Variants in DDX54 observed in about 807,000 individuals in gnomAD.
DDX54 encodes ATP-dependent RNA helicase DDX54.
DDX54 carries 67 observed loss-of-function variants against 105.5 expected under a neutral mutation model. That is an observed-to-expected ratio of 0.64 (90% CI 0.52 to 0.78). The LOEUF (loss-of-function observed/expected upper bound fraction) is 0.78. Among genes scored for constraint, DDX54 ranks in the 30% least tolerant of loss-of-function variants. The pLI, the probability that DDX54 is intolerant of heterozygous loss-of-function variation, is 0.00. For missense variants in DDX54, 1,206 were observed against 1,230.5 expected (o/e 0.98, Z 0.30); for synonymous variants, 514 against 509.9 (o/e 1.01, Z -0.11).
intron 2 of DDX54, among the ~76,000 whole-genome samples, chr12:113,180,494 C>T (rs1041699043): frequency 2.6e-5 from 4 of 152,140 alleles, no homozygotes; most frequent in African/African-American, 4.8e-5. Context: ...CCTCCCCAAA[C>T]GCTAAGATTA....
intron 5 of DDX54, 24 bp downstream of exon 5, chr12:113,178,953 T>A (rs1490725764): frequency 1.2e-6 from 2 of 1,613,476 alleles, no homozygotes; most frequent in African/African-American, 2.7e-5. Flanking sequence ...GTGGTGACCC[T>A]GGCATGGGGT....
At chr12:113,161,785 G>GCCCCCCCCCCCC in intron 18 of DDX54, 108 bp downstream of exon 18, 3 of 117,046 alleles carry the variant, frequency 2.6e-5, no homozygotes, top group Admixed American at 1.2e-4. Flanking sequence ...GCTCAGCCCC[G>GCCCCCCCCCCCC]CCCCCTCCTC....
Position 113,161,897 on chromosome 12 carries a change from C to G in DDX54, c.2296G>C (p.Asp766His). 5 of 1,605,164 alleles carry G rather than the reference C, an allele frequency of 3.1e-6. No individual in the cohort carries two copies. Among genetic ancestry groups the G allele is most frequent in the Non-Finnish European group, 4.3e-6 (5 of 1,176,140 alleles). ...GRYISSSYKR[D>H]LYQKWKQKQK... ...CAGCCACGCCCCTCAGGATACAGGT[C>G]TCGCTTGTAGGAGCTGCTGATGTAG... Residue 766 changes from aspartate (D) to histidine (H), a missense_variant, in exon 18 of 20, where the codon GAC becomes CAC. Asp to His is a moderately conservative substitution (Grantham distance 81). This residue lies in a region of DDX54 where 961 missense variants were observed against 1,019.1 expected (regional missense o/e 0.94). Coordinates refer to ENST00000306014, the MANE Select transcript of DDX54 (RefSeq NM_024072.4).
At chr12:113,174,400 T>C (rs968210673) in intron 10 of DDX54, among the ~76,000 whole-genome samples, 1 of 152,012 alleles carries the variant, frequency 6.6e-6, no homozygotes, top group South Asian at 2.1e-4. Flanking sequence ...GGCGGGAGAA[T>C]TGTTTGAGCC....
chr12:113,162,775 ATCACTCACCCCGGGCATGGAGGGGCGGC>A lies in DDX54; in HGVS notation c.2195+129_2195+156del, dbSNP rs919854331. 1.1e-5 allele frequency: 7 copies of A among 654,520 alleles called. No individual in the cohort carries two copies. The African/African-American group carries it at 1.4e-4, about 13-fold the overall frequency. The allele number at this position is 654,520 out of a possible 1,614,324, so 40.5% of individuals were successfully genotyped here. ...TGGGCCTGGAGGGGCAGCTCACTCGATCACTCACCCCGGGCATGGAGGGGCGGCTCACTCACTCACTCACCCCGGGCAT... is the reference window on the plus strand; with the variant it reads ...TGGGCCTGGAGGGGCAGCTCACTCGATCACTCACTCACTCACCCCGGGCAT... On this transcript the variant is annotated intron_variant, in intron 17 of 19. Coordinates refer to ENST00000306014, the MANE Select transcript of DDX54 (RefSeq NM_024072.4).
chr12:113,175,645 C>T (rs894967250), intron 7 of DDX54, among the ~76,000 whole-genome samples: 2 of 152,142 alleles, frequency 1.3e-5, no homozygotes, highest in Middle Eastern at 6.8e-3. Flanking sequence ...AAAAATTAGC[C>T]GGGCGTGGTG....
At chr12:113,161,805 G>A (rs946101175) in intron 18 of DDX54, 88 bp downstream of exon 18, 4 of 96,436 alleles carry the variant, frequency 4.1e-5, no homozygotes, top group South Asian at 6.1e-5. Context: ...CCCCGCCCCC[G>A]CCCCCGCCCC....
At chr12:113,176,473 A>G (rs1414473254) in intron 7 of DDX54, among the ~76,000 whole-genome samples, 2 of 152,202 alleles carry the variant, frequency 1.3e-5, no homozygotes, top group African/African-American at 4.8e-5. Flanking sequence ...AGGCTAAGGC[A>G]GGAGAATCAC....
chr12:113,170,964 C>T (rs1409723195), intron 11 of DDX54, among the ~76,000 whole-genome samples: 1 of 152,248 alleles, frequency 6.6e-6, no homozygotes, highest in Non-Finnish European at 1.5e-5. Context: ...TAAATCACTA[C>T]ATAGCATTAT....
Position 113,165,722 on chromosome 12 carries a change from T to A in DDX54, c.1646-5A>T, listed in dbSNP as rs915475451. 1.9e-6 allele frequency: 3 copies of A among 1,612,814 alleles called. No homozygotes were observed. The highest frequency in any genetic ancestry group is 2.5e-6 in the Non-Finnish European group (3 of 1,179,350). ...CCTCCTCCTCAAAACGCGAGCCTGG[T>A]AGGAAAGCAGCAAGGTGTGAGGCTG... On this transcript the variant is annotated splice_region_variant and splice_polypyrimidine_tract_variant and intron_variant, in intron 13 of 19. Coordinates refer to ENST00000306014, the MANE Select transcript of DDX54 (RefSeq NM_024072.4).
chr12:113,157,471 A>G lies in DDX54; in HGVS notation c.*1406T>C. 1.4e-6 allele frequency: 1 copy of G among 726,292 alleles called. No individual in the cohort carries two copies. The highest frequency in any genetic ancestry group is 2.3e-6 in the Non-Finnish European group (1 of 429,400). The allele number at this position is 726,292 out of a possible 1,614,324, so 45.0% of individuals were successfully genotyped here. Reference sequence around the variant, plus strand: ...TCAGTCACCACCTCTGGGAACCACCATCATCACTGTTCTTTTAATGAGGGG... The same window carrying G: ...TCAGTCACCACCTCTGGGAACCACCGTCATCACTGTTCTTTTAATGAGGGG... On this transcript the variant is annotated 3_prime_UTR_variant, in exon 20 of 20. Coordinates refer to ENST00000306014, the MANE Select transcript of DDX54 (RefSeq NM_024072.4).
chr12:113,173,693 C>A (rs1214823626), intron 10 of DDX54, among the ~76,000 whole-genome samples: 1 of 152,172 alleles, frequency 6.6e-6, no homozygotes, highest in African/African-American at 2.4e-5. Context: ...AGAAGTCAAA[C>A]AAACCACATA....
Position 113,159,122 on chromosome 12 carries a change from G to A in DDX54, c.2414-13C>T, listed in dbSNP as rs758899734. The A allele has an allele frequency of 7.0e-6, 11 of 1,579,778 alleles. No homozygotes were observed. The highest frequency in any genetic ancestry group is 9.4e-6 in the Non-Finnish European group (11 of 1,164,520). The stretch of plus-strand genomic sequence containing the variant: ...GGCCGGGATGCACCTGCTGGGACAG[G>A]GATTCAGGGAGCTCAGCTGTTGGGA... On this transcript the variant is annotated splice_polypyrimidine_tract_variant and intron_variant, in intron 19 of 19. Transcript: ENST00000306014.
In DDX54 at chr12:113,158,753, G is replaced by T; in HGVS notation, c.*124C>A. 9.2e-7 allele frequency: 1 copy of T among 1,085,440 alleles called. No homozygotes were observed. Among genetic ancestry groups the T allele is most frequent in the East Asian group, 2.6e-5 (1 of 38,044 alleles). 67.2% of individuals were successfully genotyped at this position (1,085,440 alleles called of 1,614,324 possible). ...CCATACAGTGCTCCTTTTCACAGAT[G>T]ATGGCTCCTGCAGGGAGTGCCCCCA... On this transcript the variant is annotated 3_prime_UTR_variant, in exon 20 of 20. Coordinates refer to ENST00000306014, the MANE Select transcript of DDX54 (RefSeq NM_024072.4). The surrounding 1 kb of genome is among the most constrained non-coding windows in gnomAD (Gnocchi z 4.9).
Position 113,163,978 on chromosome 12 carries a change from A to G in DDX54, c.1938+89T>C. 13 of 1,449,438 alleles carry G rather than the reference A, an allele frequency of 9.0e-6. No individual in the cohort carries two copies. In the South Asian group the frequency reaches 1.6e-4, roughly 18 times the overall value. 89.8% of individuals were successfully genotyped at this position (1,449,438 alleles called of 1,614,324 possible). A position where few individuals can be genotyped will look rare whatever the true frequency, so the allele number is the denominator to read the frequency against. Reference sequence around the variant, plus strand: ...TGCATCCACCTCCATCCACTGCTCAAAGATCCTAGGACAGCCTCATGGGCT... The same window carrying G: ...TGCATCCACCTCCATCCACTGCTCAGAGATCCTAGGACAGCCTCATGGGCT... On this transcript the variant is annotated intron_variant, in intron 15 of 19. Coordinates refer to ENST00000306014, the MANE Select transcript of DDX54 (RefSeq NM_024072.4). The surrounding 1 kb of genome is among the most constrained non-coding windows in gnomAD (Gnocchi z 5.9).
intron 12 of DDX54, chr12:113,168,083 G>A (rs1433623262): frequency 1.0e-5 from 4 of 383,096 alleles, no homozygotes; most frequent in African/African-American, 4.4e-5. Flanking sequence ...TGCACAGGCC[G>A]CCCCCCACCC....
intron 11 of DDX54, among the ~76,000 whole-genome samples, chr12:113,171,575 G>A (rs533916617): frequency 1.5e-4 from 23 of 150,968 alleles, no homozygotes; most frequent in Admixed American, 7.3e-4. Flanking sequence ...CTGCACTCCA[G>A]CCTGGGGTAC....
At chr12:113,184,721 G>A (rs1759969889) in intron 1 of DDX54, among the ~76,000 whole-genome samples, 1 of 152,196 alleles carries the variant, frequency 6.6e-6, no homozygotes, top group African/African-American at 2.4e-5. Flanking sequence ...AGCTACCGGA[G>A]AGGCTGACGT....
chr12:113,175,095 T>G lies in DDX54; in HGVS notation c.815A>C (p.His272Pro), dbSNP rs1329080799. Residue 272 changes from histidine (H) to proline (P), a missense_variant, in exon 8 of 20, where the codon CAC becomes CCC. His to Pro is a moderately conservative substitution (Grantham distance 77). Transcript: ENST00000306014. ...QEIIARLPGG[H>P]QTVLFSATLP... ...CGTGGCGGAGAACAGCACCGTCTGGTGGCCCCCGGGGAGGCGGGCGATGAT... is the reference window on the plus strand; with the variant it reads ...CGTGGCGGAGAACAGCACCGTCTGGGGGCCCCCGGGGAGGCGGGCGATGAT... The G allele has an allele frequency of 6.2e-7, 1 of 1,613,742 alleles. No homozygotes were observed. Among genetic ancestry groups the G allele is most frequent in the Non-Finnish European group, 8.5e-7 (1 of 1,180,008 alleles).
Sources: allele counts gnomAD v4.1 joint callset (sites outside exome capture counted in the v4.1 genomes callset), GRCh38; gene constraint gnomAD v4.1.1; regional missense constraint gnomAD v4.1.1; non-coding constraint Gnocchi (gnomAD v3.1); transcripts MANE v1.5; gene names NCBI Gene and HGNC (gene_info 2026-07-23, HGNC 2026-07-21).